The following ANKDD1A variants were observed in gnomAD, a reference collection of about 807,000 sequenced individuals.
ANKDD1A encodes the protein ankyrin repeat and death domain-containing protein 1A.
Under a neutral mutation model 63.5 loss-of-function variants are expected in ANKDD1A, and 59 were observed. The ratio of observed to expected loss-of-function variants is 0.93; its 90% CI spans 0.75 to 1.15. The LOEUF (loss-of-function observed/expected upper bound fraction) is 1.15. Among genes scored for constraint, ANKDD1A ranks in the 50% most tolerant of loss-of-function variants. The pLI, the probability that ANKDD1A is intolerant of heterozygous loss-of-function variation, is 0.00. For missense variants in ANKDD1A, 632 were observed against 656.4 expected (o/e 0.96, Z 0.41); for synonymous variants, 266 against 263.9 (o/e 1.01, Z -0.08).
At chr15:64,931,643 C>A in intron 8 of ANKDD1A, 58 bp downstream of exon 8, 1 of 1,548,492 alleles carries the variant, frequency 6.5e-7, no homozygotes, top group Non-Finnish European at 8.9e-7. Context: ...ATAGCCATGT[C>A]GGCAGTAACG....
intron 9 of ANKDD1A, among the ~76,000 whole-genome samples, chr15:64,938,944 CAAA>C (rs34151661): frequency 9.0e-5 from 12 of 132,768 alleles, no homozygotes; most frequent in Admixed American, 1.5e-4. Flanking sequence ...GACTCCATCT[CAAA>C]AAAAAAAAAA....
At chr15:64,942,689 TTAGC>T in intron 10 of ANKDD1A, 124 bp downstream of exon 10, 3 of 660,328 alleles carry the variant, frequency 4.5e-6, no homozygotes, top group East Asian at 3.2e-5. Context: ...TTTTTTTTTT[TTAGC>T]TTTTAGAAAG....
chr15:64,916,993 T>G (rs2084972424), intron 2 of ANKDD1A, among the ~76,000 whole-genome samples: 1 of 152,156 alleles, frequency 6.6e-6, no homozygotes, highest in Admixed American at 6.5e-5. Context: ...GGATAATCCT[T>G]GGCCACATGG....
intron 4 of ANKDD1A, among the ~76,000 whole-genome samples, chr15:64,923,403 T>C (rs1309711518): frequency 2.0e-5 from 3 of 152,224 alleles, no homozygotes; most frequent in Non-Finnish European, 4.4e-5. Context: ...ATGAAGCTTA[T>C]AGTAATTTGT....
chr15:64,952,712 T>TTTC (rs144211701), intron 14 of ANKDD1A, among the ~76,000 whole-genome samples: 8,308 of 141,240 alleles, frequency 0.059, 430 homozygotes, highest in African/African-American at 0.15. Flanking sequence ...GTTCTTCTCC[T>TTTC]TTCTTCTTTC....
At chr15:64,955,262 C>T (rs1345284086) in intron 14 of ANKDD1A, among the ~76,000 whole-genome samples, 1 of 152,048 alleles carries the variant, frequency 6.6e-6, no homozygotes, top group East Asian at 1.9e-4. Flanking sequence ...ACTGTGTTAG[C>T]CAGGATGGTC....
chr15:64,934,839 A>C (rs746115662), intron 9 of ANKDD1A, among the ~76,000 whole-genome samples: 6 of 151,610 alleles, frequency 4.0e-5, no homozygotes, highest in Non-Finnish European at 8.8e-5. Flanking sequence ...TTTACTATTA[A>C]TCTTTTATGT....
intron 4 of ANKDD1A, among the ~76,000 whole-genome samples, chr15:64,925,125 G>A (rs765195174): frequency 6.6e-6 from 1 of 151,668 alleles, no homozygotes; most frequent in Non-Finnish European, 1.5e-5. Flanking sequence ...CTACTCGGGA[G>A]GTTGAGGCAG....
intron 14 of ANKDD1A, among the ~76,000 whole-genome samples, chr15:64,952,921 T>G: frequency 8.6e-6 from 1 of 116,014 alleles, no homozygotes; most frequent in Non-Finnish European, 2.1e-5. Context: ...CTTCTCCTTC[T>G]TCTTAGTTCT....
intron 14 of ANKDD1A, among the ~76,000 whole-genome samples, chr15:64,953,100 C>A (rs1162354524): frequency 7.0e-6 from 1 of 142,220 alleles, no homozygotes; most frequent in Non-Finnish European, 1.5e-5. Flanking sequence ...CTTATACTTT[C>A]TTTTCTTTCT....
intron 1 of ANKDD1A, 63 bp from the exon 2 acceptor site, chr15:64,915,734 C>A: frequency 7.0e-7 from 1 of 1,438,586 alleles, no homozygotes; most frequent in Non-Finnish European, 9.8e-7. Context: ...GGGTTGTTTA[C>A]CTCTCCTGTC....
chr15:64,951,564 C>CCGCTTTCTTTTTCTTTT (rs2085278230), intron 14 of ANKDD1A: 1 of 122,692 alleles, frequency 8.2e-6, no homozygotes, highest in Non-Finnish European at 1.7e-5. Context: ...CTTTCTTTTT[C>CCGCTTTCTTTTTCTTTT]TTTTCTTTCT....
intron 14 of ANKDD1A, chr15:64,951,551 C>CTGCT (rs2085277311): frequency 8.5e-5 from 1 of 11,744 alleles, no homozygotes; most frequent in African/African-American, 2.2e-4. Context: ...TCTTTCTTCT[C>CTGCT]TTCTTTCTTT....
chr15:64,915,728 T>C, intron 1 of ANKDD1A, 69 bp from the exon 2 acceptor site: 1 of 1,365,114 alleles, frequency 7.3e-7, no homozygotes, highest in African/African-American at 1.4e-5. Context: ...GGAAATGGGT[T>C]GTTTACCTCT....
At chr15:64,922,924 C>A (rs1022728016) in intron 4 of ANKDD1A, among the ~76,000 whole-genome samples, 1 of 152,170 alleles carries the variant, frequency 6.6e-6, no homozygotes. Flanking sequence ...TCTTAAAATA[C>A]TTCTTACACT....
chr15:64,932,870 G>A (rs1262498487), intron 8 of ANKDD1A: 1 of 151,116 alleles, frequency 6.6e-6, no homozygotes, highest in African/African-American at 2.4e-5. Context: ...TATTGCTTGA[G>A]CCCAGGAGTT....
At position 64,915,823 on chromosome 15, in the gene ANKDD1A, G is replaced by A. The variant is rs201080527; in HGVS notation, c.61G>A (p.Glu21Lys). The change falls in exon 2 of 15, where the codon GAG (glutamate) becomes AAG (lysine). Residue 21 changes from glutamate (E) to lysine (K), a missense_variant. Coordinates refer to ENST00000319580, the MANE Select transcript of ANKDD1A (RefSeq NM_182703.6). ...GCTTCCTCTGGAGAGGCAGCTCCAC[G>A]AGGCCGCCCGCCAGAACAATGTCGG... is the stretch of plus-strand genomic sequence containing the variant. ...GLLPLERQLHEAARQNNVGRM... is the reference protein window; with the variant it reads ...GLLPLERQLHKAARQNNVGRM... The A allele has an allele frequency of 1.4e-4, 232 of 1,613,892 alleles. No individual in the cohort carries two copies. The highest frequency in any genetic ancestry group is 1.6e-4 in the Middle Eastern group (1 of 6,082).
At chr15:64,934,107 A>G in intron 8 of ANKDD1A, 29 bp from the exon 9 acceptor site, 1 of 1,584,948 alleles carries the variant, frequency 6.3e-7, no homozygotes, top group Non-Finnish European at 8.6e-7. Context: ...GGTCCTTGTG[A>G]TAACGCATTG....
chr15:64,952,703 T>C (rs2085317609), intron 14 of ANKDD1A, among the ~76,000 whole-genome samples: 1 of 143,704 alleles, frequency 7.0e-6, no homozygotes, highest in Non-Finnish European at 1.5e-5. Flanking sequence ...TTCTTCTTAG[T>C]TCTTCTCCTT....
Sources: gnomAD v4.1 joint callset for allele counts (sites outside exome capture counted in the v4.1 genomes callset) on GRCh38, gnomAD v4.1.1 for gene constraint, MANE v1.5 for transcripts, NCBI Gene and HGNC (gene_info 2026-07-23, HGNC 2026-07-21) for gene names.